MCF2L2: variants seen among roughly 807,000 people sequenced by gnomAD.
MCF2L2 encodes probable guanine nucleotide exchange factor MCF2L2.
In MCF2L2, 102 loss-of-function variants were observed where a neutral mutation model predicts 150.2. That is an observed-to-expected ratio of 0.68 (90% confidence interval 0.58 to 0.80). The LOEUF (loss-of-function observed/expected upper bound fraction) is 0.80, where lower values mean the gene tolerates loss of function less well. MCF2L2 is among the 30% of genes least tolerant of loss of function. The pLI is 0.00. For synonymous variants in MCF2L2, 465 were observed against 491.3 expected (o/e 0.95, Z 0.71); for missense variants, 1,256 against 1,372.8 (o/e 0.91, Z 1.34).
chr3:183,378,248 T>G (rs1713307723), intron 3 of MCF2L2: 1 of 151,768 alleles, frequency 6.6e-6, no homozygotes, highest in Non-Finnish European at 1.5e-5. Flanking sequence ...AAGGGAGGGG[T>G]GGGGGCTCAT....
intron 1 of MCF2L2, among the ~76,000 whole-genome samples, chr3:183,407,671 C>T (rs1283742150): frequency 6.6e-6 from 1 of 152,152 alleles, no homozygotes; most frequent in Non-Finnish European, 1.5e-5. Context: ...AGAAAATGGT[C>T]ACCTCACATA....
At chr3:183,355,486 C>T (rs1177554850) in intron 3 of MCF2L2, among the ~76,000 whole-genome samples, 22 of 150,584 alleles carry the variant, frequency 1.5e-4, no homozygotes, top group African/African-American at 4.9e-4. Context: ...CTCGCTCTGT[C>T]GCATAGGTGG....
At chr3:183,204,699 AC>A (rs1447683376) in intron 25 of MCF2L2, among the ~76,000 whole-genome samples, 5 of 152,222 alleles carry the variant, frequency 3.3e-5, no homozygotes, top group African/African-American at 1.2e-4. Flanking sequence ...AAAAATCTGT[AC>A]AAAAATATCT....
rs1246160451 is a variant in MCF2L2, at chr3:183,238,244, T to A, written c.1863-7227A>T. 3.4e-5 allele frequency among the ~76,000 whole-genome samples: 4 copies of A among 118,032 alleles called. No homozygotes were observed. In the South Asian group the frequency reaches 6.7e-4, roughly 20 times the overall value. The allele number at this position is 118,032 out of a possible 152,430, so 77.4% of individuals were successfully genotyped here. ...AACGTTATGAGATTTTTTTTGCGATTTTTTTTTTTTTTTTTTTTAGCTCAC... is the reference window on the plus strand; with the variant it reads ...AACGTTATGAGATTTTTTTTGCGATATTTTTTTTTTTTTTTTTTAGCTCAC... On this transcript the variant is annotated intron_variant, in intron 15 of 29. Transcript: ENST00000328913.
At chr3:183,279,770 C>T (rs1367546597) in intron 14 of MCF2L2, among the ~76,000 whole-genome samples, 2 of 152,240 alleles carry the variant, frequency 1.3e-5, no homozygotes, top group Non-Finnish European at 2.9e-5. Context: ...GTGGCTCACG[C>T]CTGTAATCCC....
chr3:183,280,176 G>A (rs1446979452), intron 14 of MCF2L2, among the ~76,000 whole-genome samples: 3 of 150,538 alleles, frequency 2.0e-5, no homozygotes, highest in Admixed American at 6.6e-5. Flanking sequence ...TTACCAACAC[G>A]CAGGCTCTCC....
intron 25 of MCF2L2, among the ~76,000 whole-genome samples, chr3:183,205,009 T>C (rs1357193886): frequency 6.6e-6 from 1 of 152,212 alleles, no homozygotes. Context: ...TGATTGCTAA[T>C]TGGTACAGAA....
chr3:183,329,196 T>C (rs1469428640), intron 5 of MCF2L2, among the ~76,000 whole-genome samples: 1 of 152,154 alleles, frequency 6.6e-6, no homozygotes, highest in Non-Finnish European at 1.5e-5. Flanking sequence ...TATAGCAGCT[T>C]TATTCTTTTT....
At chr3:183,341,410 G>A in intron 4 of MCF2L2, 130 bp downstream of exon 4, 1 of 686,498 alleles carries the variant, frequency 1.5e-6, no homozygotes. Flanking sequence ...TGACATAACA[G>A]CACCTGTTAC....
At chr3:183,235,019 A>T (rs2108677581) in intron 15 of MCF2L2, among the ~76,000 whole-genome samples, 1 of 48,374 alleles carries the variant, frequency 2.1e-5, no homozygotes, top group East Asian at 5.0e-4. Flanking sequence ...CCTACAAAGG[A>T]TATGAACTCA....
chr3:183,346,419 A>G (rs1231589151), intron 3 of MCF2L2, among the ~76,000 whole-genome samples: 1 of 152,202 alleles, frequency 6.6e-6, no homozygotes, highest in Non-Finnish European at 1.5e-5. Context: ...TCTCAAAATA[A>G]TAAGAGCTAT....
chr3:183,252,793 G>T (rs1055121494), intron 15 of MCF2L2, among the ~76,000 whole-genome samples: 3 of 152,160 alleles, frequency 2.0e-5, no homozygotes, highest in African/African-American at 7.2e-5. Context: ...TCTGAAATAT[G>T]TACAATAACA....
intron 15 of MCF2L2, among the ~76,000 whole-genome samples, chr3:183,242,246 G>A (rs1375861525): frequency 6.6e-6 from 1 of 152,230 alleles, no homozygotes; most frequent in African/African-American, 2.4e-5. Context: ...ATTTTCTGAG[G>A]AGAAATTCAA....
intron 10 of MCF2L2, among the ~76,000 whole-genome samples, chr3:183,303,883 T>C (rs939923662): frequency 5.9e-5 from 9 of 152,190 alleles, no homozygotes; most frequent in Non-Finnish European, 8.8e-5. Flanking sequence ...GGGAATTTCA[T>C]TATCTAGCTC....
chr3:183,405,767 G>A (rs760943492), intron 1 of MCF2L2, among the ~76,000 whole-genome samples: 2 of 152,204 alleles, frequency 1.3e-5, no homozygotes, highest in Non-Finnish European at 2.9e-5. Context: ...CCCAGTTGGA[G>A]TGCAGTGGCG....
At chr3:183,377,020 C>T (rs1303471548) in intron 3 of MCF2L2, 1 of 152,098 alleles carries the variant, frequency 6.6e-6, no homozygotes, top group Admixed American at 6.6e-5. Context: ...GTCAATATTC[C>T]AGAATGGCAT....
chr3:183,337,883 T>C (rs1730550246), intron 5 of MCF2L2, among the ~76,000 whole-genome samples: 1 of 152,212 alleles, frequency 6.6e-6, no homozygotes, highest in African/African-American at 2.4e-5. Flanking sequence ...ACCAAATCCA[T>C]TCCTACCAGT....
chr3:183,385,461 T>A (rs1425775614), intron 2 of MCF2L2, among the ~76,000 whole-genome samples: 1 of 152,072 alleles, frequency 6.6e-6, no homozygotes, highest in Non-Finnish European at 1.5e-5. Context: ...GCTTCATTGG[T>A]GTGTATGAGG....
chr3:183,339,385 TTAA>T (rs1730613286), intron 4 of MCF2L2, among the ~76,000 whole-genome samples: 3 of 152,220 alleles, frequency 2.0e-5, no homozygotes, highest in Admixed American at 2.0e-4. Flanking sequence ...ATTCCTGTTA[TTAA>T]TAAATTCTTT....
Sources: allele counts gnomAD v4.1 joint callset (sites outside exome capture counted in the v4.1 genomes callset), GRCh38; gene constraint gnomAD v4.1.1; transcripts MANE v1.5; gene names NCBI Gene and HGNC (gene_info 2026-07-23, HGNC 2026-07-21).